HDAC9: variants seen among roughly 807,000 people sequenced by gnomAD.
HDAC9 encodes the protein MEF-2 interacting transcription repressor (MITR) protein.
A neutral mutation model predicts 139.4 loss-of-function variants in HDAC9; 41 were observed. That is an observed-to-expected ratio of 0.29 (90% CI 0.23 to 0.38). The LOEUF (loss-of-function observed/expected upper bound fraction) is 0.38, where lower values mean the gene tolerates loss of function less well. Ranked by LOEUF, HDAC9 falls within the 10% of genes least tolerant of loss-of-function variation. HDAC9 has a pLI of 1.00. For missense variants in HDAC9, 1,147 were observed against 1,297.0 expected (o/e 0.88, Z 1.78); for synonymous variants, 517 against 476.2 (o/e 1.09, Z -1.12).
intron 22 of HDAC9, among the ~76,000 whole-genome samples, chr7:18,922,576 G>C (rs967230169): frequency 6.6e-6 from 1 of 152,014 alleles, no homozygotes; most frequent in Non-Finnish European, 1.5e-5. Flanking sequence ...TCACAAATCT[G>C]CATTTTAACA....
At position 18,477,724 on chromosome 7, in the gene HDAC9, C is replaced by A. The variant is rs146513445; in HGVS notation, c.-41-18538C>A. Among the ~76,000 whole-genome samples the A allele has an allele frequency of 5.3e-5, 8 of 152,062 alleles. No homozygotes were observed. The East Asian group carries it at 1.4e-3, about 26-fold the overall frequency. ...ATGTTATGTCGATTCTTAAAATTGG[C>A]CATTATTCACAAATTATATTTATCA... On this transcript the variant is annotated intron_variant, in intron 1 of 3. Transcript: ENST00000413509.
At chr7:18,908,733 C>A (rs1165715804) in intron 22 of HDAC9, among the ~76,000 whole-genome samples, 5 of 151,904 alleles carry the variant, frequency 3.3e-5, no homozygotes, top group Non-Finnish European at 5.9e-5. Context: ...AAATTTCATT[C>A]TTTCATTCTG....
At chr7:18,850,204 A>G (rs1797186360) in intron 21 of HDAC9, among the ~76,000 whole-genome samples, 1 of 152,222 alleles carries the variant, frequency 6.6e-6, no homozygotes, top group African/African-American at 2.4e-5. Flanking sequence ...AGGTTCACAA[A>G]AACGAGAGAG....
chr7:18,987,990 C>A (rs1382232000), intron 25 of HDAC9, among the ~76,000 whole-genome samples: 1 of 152,060 alleles, frequency 6.6e-6, no homozygotes, highest in East Asian at 1.9e-4. Flanking sequence ...AGCGGTCTAG[C>A]AATTTTGTTG....
At chr7:18,654,010 T>G (rs926229699) in intron 11 of HDAC9, among the ~76,000 whole-genome samples, 2 of 152,142 alleles carry the variant, frequency 1.3e-5, no homozygotes, top group African/African-American at 4.8e-5. Flanking sequence ...ATGTGTTGCC[T>G]TGTGAAGTGT....
chr7:18,779,832 C>G (rs1585023447), intron 16 of HDAC9, among the ~76,000 whole-genome samples: 1 of 151,944 alleles, frequency 6.6e-6, no homozygotes, highest in African/African-American at 2.4e-5. Flanking sequence ...GCCCTGCAAC[C>G]CTGAGGTCTC....
chr7:18,111,038 A>G (rs753494694), intron 1 of HDAC9, among the ~76,000 whole-genome samples: 5 of 152,060 alleles, frequency 3.3e-5, no homozygotes, highest in Admixed American at 1.3e-4. Flanking sequence ...ATTCATTTGT[A>G]TTTTCATCAG....
At chr7:18,677,724 G>T (rs1049298470) in intron 12 of HDAC9, among the ~76,000 whole-genome samples, 1 of 151,642 alleles carries the variant, frequency 6.6e-6, no homozygotes, top group African/African-American at 2.4e-5. Flanking sequence ...TTTTATTGTT[G>T]GTTATCAAAT....
At chr7:18,666,740 A>G in intron 12 of HDAC9, 1 of 1,270,454 alleles carries the variant, frequency 7.9e-7, no homozygotes, top group Non-Finnish European at 1.0e-6. Flanking sequence ...TAAAATTATG[A>G]TACATAATAT....
intron 1 of HDAC9, among the ~76,000 whole-genome samples, chr7:18,354,292 T>C (rs1783083585): frequency 6.6e-6 from 1 of 152,228 alleles, no homozygotes; most frequent in Admixed American, 6.6e-5. Context: ...GACCTTACTA[T>C]GACCTTGTAG....
At chr7:18,711,655 C>T (rs1229794764) in intron 12 of HDAC9, among the ~76,000 whole-genome samples, 1 of 152,204 alleles carries the variant, frequency 6.6e-6, no homozygotes, top group Non-Finnish European at 1.5e-5. Flanking sequence ...CTTTACAATC[C>T]TCAGAGTGCA....
chr7:18,526,271 T>A (rs1437150682), intron 2 of HDAC9, among the ~76,000 whole-genome samples: 3 of 152,184 alleles, frequency 2.0e-5, no homozygotes, highest in Non-Finnish European at 2.9e-5. Flanking sequence ...TAGACTGATA[T>A]ACAAGTCTCC....
intron 12 of HDAC9, among the ~76,000 whole-genome samples, chr7:18,681,521 C>A (rs1259732947): frequency 6.6e-6 from 1 of 151,868 alleles, no homozygotes; most frequent in East Asian, 1.9e-4. Context: ...AAAATATATG[C>A]TACAGTATAG....
chr7:18,676,545 C>A (rs551300719), intron 12 of HDAC9, among the ~76,000 whole-genome samples: 1 of 152,072 alleles, frequency 6.6e-6, no homozygotes, highest in African/African-American at 2.4e-5. Flanking sequence ...ATATTTTGGT[C>A]ATGAAGATGG....
intron 17 of HDAC9, among the ~76,000 whole-genome samples, chr7:18,827,215 T>A (rs908813753): frequency 6.6e-6 from 1 of 152,126 alleles, no homozygotes; most frequent in African/African-American, 2.4e-5. Flanking sequence ...TGATAAAGTC[T>A]TTTTGATTCC....
chr7:18,093,671 A>T (rs1395605532), intron 1 of HDAC9, among the ~76,000 whole-genome samples: 1 of 152,186 alleles, frequency 6.6e-6, no homozygotes, highest in Non-Finnish European at 1.5e-5. Flanking sequence ...AAATTAAATC[A>T]GGTAACATTA....
chr7:18,495,999 T>C lies in HDAC9; in HGVS notation c.-66T>C. On this transcript the variant is annotated 5_prime_UTR_variant, in exon 1 of 26. Coordinates refer to ENST00000686413, the MANE Select transcript of HDAC9 (RefSeq NM_178425.4). ...AACTCCAGAGAGCTATAGCATCCACTCTGTCCTTTCTGCTTTGCACACAGG... is the reference window on the plus strand; with the variant it reads ...AACTCCAGAGAGCTATAGCATCCACCCTGTCCTTTCTGCTTTGCACACAGG... 2.8e-6 allele frequency: 4 copies of C among 1,404,768 alleles called. No homozygotes were observed. Among genetic ancestry groups the C allele is most frequent in the Non-Finnish European group, 3.7e-6 (4 of 1,082,920 alleles). The allele number at this position is 1,404,768 out of a possible 1,614,324, so 87.0% of individuals were successfully genotyped here.
intron 2 of HDAC9, among the ~76,000 whole-genome samples, chr7:18,518,391 G>A (rs1282442359): frequency 6.6e-6 from 1 of 152,162 alleles, no homozygotes; most frequent in Non-Finnish European, 1.5e-5. Flanking sequence ...TGCATTTTTG[G>A]GGAGAGACTG....
chr7:18,316,220 T>G (rs1799624902), intron 1 of HDAC9, among the ~76,000 whole-genome samples: 2 of 152,124 alleles, frequency 1.3e-5, no homozygotes, highest in Non-Finnish European at 2.9e-5. Flanking sequence ...CTGTGCTGGT[T>G]CAAGGGCCAC....
Sources: allele counts gnomAD v4.1 joint callset (sites outside exome capture counted in the v4.1 genomes callset), GRCh38; gene constraint gnomAD v4.1.1; transcripts MANE v1.5; gene names NCBI Gene and HGNC (gene_info 2026-07-23, HGNC 2026-07-21).